Variants in DNAH9 observed in about 807,000 individuals in gnomAD.
The protein encoded by DNAH9 is DNAH9 variant protein.
A neutral mutation model predicts 471.6 loss-of-function variants in DNAH9; 345 were observed. The ratio of observed to expected loss-of-function variants is 0.73; its 90% confidence interval spans 0.67 to 0.80. DNAH9 has a LOEUF of 0.80. Among genes scored for constraint, DNAH9 ranks in the 30% least tolerant of loss-of-function variants. DNAH9 has a pLI of 0.00. For missense variants in DNAH9, 5,407 were observed against 5,609.2 expected, an observed-to-expected ratio of 0.96 and a Z score of 1.15; for synonymous variants, 2,093 against 2,123.6, an observed-to-expected ratio of 0.99 and a Z score of 0.40.
intron 9 of DNAH9, among the ~76,000 whole-genome samples, chr17:11,638,039 A>G (rs2073196142): frequency 6.6e-6 from 1 of 152,220 alleles, no homozygotes; most frequent in Non-Finnish European, 1.5e-5. Flanking sequence ...TGCAGAAGAC[A>G]TTCATTCGGC....
chr17:11,806,762 A>G (rs1041496465), intron 43 of DNAH9, among the ~76,000 whole-genome samples: 2 of 152,202 alleles, frequency 1.3e-5, no homozygotes, highest in Non-Finnish European at 2.9e-5. Context: ...TAAATAGTAG[A>G]ACTGTGGATT....
At chr17:11,835,855 T>C (rs1030222310) in intron 49 of DNAH9, among the ~76,000 whole-genome samples, 4 of 152,108 alleles carry the variant, frequency 2.6e-5, no homozygotes, top group African/African-American at 9.7e-5. Flanking sequence ...TCACATCTGG[T>C]CCACTGGAGA....
chr17:11,904,905 T>C (rs1465595945), intron 60 of DNAH9, among the ~76,000 whole-genome samples: 1 of 151,646 alleles, frequency 6.6e-6, no homozygotes, highest in Non-Finnish European at 1.5e-5. Context: ...CACTGGTAAG[T>C]GGAGTGAGAT....
Position 11,969,588 on chromosome 17 carries a change from G to A in DNAH9, c.*61G>A, listed in dbSNP as rs1977044742. On this transcript the variant is annotated 3_prime_UTR_variant, in exon 69 of 69. Coordinates refer to ENST00000262442, the MANE Select transcript of DNAH9 (RefSeq NM_001372.4). ...GGCTTGGAGGCTGCCTAGAGGGACA[G>A]GTGGGTGAAGGGTCACCACAGACAC... 3.7e-6 allele frequency: 5 copies of A among 1,349,984 alleles called. No homozygotes were observed. The Admixed American group carries it at 9.5e-5, about 26-fold the overall frequency. 83.6% of individuals were successfully genotyped at this position (1,349,984 alleles called of 1,614,324 possible). A position where few individuals can be genotyped will look rare whatever the true frequency, so the allele number is the denominator to read the frequency against.
At chr17:11,742,887 G>T (rs1395769336) in intron 30 of DNAH9, among the ~76,000 whole-genome samples, 7 of 152,168 alleles carry the variant, frequency 4.6e-5, no homozygotes, top group African/African-American at 1.7e-4. Flanking sequence ...CACCTTTACT[G>T]CCATAAAACA....
Position 11,613,685 on chromosome 17 carries a change from T to C in DNAH9, c.904+1905T>C, listed in dbSNP as rs539741805. Among the ~76,000 whole-genome samples the C allele has an allele frequency of 3.9e-5, 6 of 152,320 alleles. No homozygotes were observed. The South Asian group carries it at 1.2e-3, about 32-fold the overall frequency. ...GATACCAGCTTTCCATTTATGGTAG[T>C]GATTTACAGTTTTCATGTTGTCTAA... On this transcript the variant is annotated intron_variant, in intron 4 of 68. Coordinates refer to ENST00000262442, the MANE Select transcript of DNAH9 (RefSeq NM_001372.4).
chr17:11,933,411 G>A (rs144247240), intron 64 of DNAH9, among the ~76,000 whole-genome samples: 211 of 150,080 alleles, frequency 1.4e-3, no homozygotes, highest in African/African-American at 4.9e-3. Flanking sequence ...ATGGAGTTTC[G>A]CTCTTGTTGC....
rs147003346 is a variant in DNAH9 at position 11,878,837 on chromosome 17, G to A, written c.10479-1241G>A. On this transcript the variant is annotated intron_variant, in intron 53 of 68. Coordinates refer to ENST00000262442, the MANE Select transcript of DNAH9 (RefSeq NM_001372.4). ...TCCCACCTTGGCCTCCCAAAGTTCTGGGTTACAGGCATGAGCCACCAGGCC... is the reference window on the plus strand; with the variant it reads ...TCCCACCTTGGCCTCCCAAAGTTCTAGGTTACAGGCATGAGCCACCAGGCC... Among the ~76,000 whole-genome samples, 488 of 152,180 alleles carry A rather than the reference G, an allele frequency of 3.2e-3. 3 individuals carry two copies. Among genetic ancestry groups the A allele is most frequent in the African/African-American group, 0.011 (470 of 41,530 alleles).
intron 56 of DNAH9, 40 bp from the exon 57 acceptor site, chr17:11,886,785 G>C: frequency 6.4e-7 from 1 of 1,571,184 alleles, no homozygotes; most frequent in South Asian, 1.2e-5. Flanking sequence ...GGAAGCCCAG[G>C]TTGGTTGGAA....
intron 67 of DNAH9, among the ~76,000 whole-genome samples, chr17:11,953,593 C>CTT (rs1366566652): frequency 6.6e-6 from 1 of 151,856 alleles, no homozygotes; most frequent in Non-Finnish European, 1.5e-5. Context: ...GGGCGGATCA[C>CTT]GAGGTCAGGA....
At chr17:11,810,202 G>A in intron 44 of DNAH9, 44 bp from the exon 45 acceptor site, 1 of 1,578,278 alleles carries the variant, frequency 6.3e-7, no homozygotes, top group Non-Finnish European at 8.6e-7. Context: ...CTCTTTCAAG[G>A]AGGCCTTCTT....
intron 2 of DNAH9, among the ~76,000 whole-genome samples, chr17:11,609,633 T>G (rs748642805): frequency 6.6e-6 from 1 of 152,236 alleles, no homozygotes; most frequent in South Asian, 2.1e-4. Context: ...TTCTTTGTCG[T>G]TGTGTCCTTG....
chr17:11,818,272 TA>T (rs1970173707), intron 45 of DNAH9, among the ~76,000 whole-genome samples: 1 of 151,888 alleles, frequency 6.6e-6, no homozygotes, highest in South Asian at 2.1e-4. Flanking sequence ...GTACTAAAAA[TA>T]CGAAAATTAG....
At chr17:11,904,006 G>A (rs1480263675) in intron 60 of DNAH9, among the ~76,000 whole-genome samples, 3 of 152,208 alleles carry the variant, frequency 2.0e-5, no homozygotes. Context: ...AAGAATAGGT[G>A]AAGTCAGGTT....
At chr17:11,788,206 C>A (rs1479570368) in intron 41 of DNAH9, among the ~76,000 whole-genome samples, 1 of 152,176 alleles carries the variant, frequency 6.6e-6, no homozygotes, top group Non-Finnish European at 1.5e-5. Flanking sequence ...GTCTGGACTC[C>A]TGGTTGTTGC....
At chr17:11,767,154 C>T (rs1967983239) in intron 36 of DNAH9, among the ~76,000 whole-genome samples, 2 of 152,124 alleles carry the variant, frequency 1.3e-5, no homozygotes, top group Admixed American at 1.3e-4. Flanking sequence ...CCAGGCATCT[C>T]AAGGCAGCAT....
intron 53 of DNAH9, among the ~76,000 whole-genome samples, chr17:11,877,762 G>A (rs887189429): frequency 1.3e-5 from 2 of 152,104 alleles, no homozygotes; most frequent in Admixed American, 1.3e-4. Context: ...GAATGCCAAG[G>A]CATGCTATGA....
Position 11,932,323 on chromosome 17 carries a change from G to C in DNAH9, c.12297+118G>C, listed in dbSNP as rs1283819146. On this transcript the variant is annotated intron_variant, in intron 64 of 68. Transcript: ENST00000262442. The surrounding 1 kb of genome is among the most constrained non-coding windows in gnomAD (Gnocchi z 4.3). The stretch of plus-strand genomic sequence containing the variant: ...GCCTGAGAATGTGCATTTCTAACAA[G>C]CTCCCTCGTGATGCAGATGCTGCTG... 4 of 1,048,462 alleles carry C rather than the reference G, an allele frequency of 3.8e-6. No homozygotes were observed. Among genetic ancestry groups the C allele is most frequent in the Non-Finnish European group, 5.4e-6 (4 of 739,992 alleles). The allele number at this position is 1,048,462 out of a possible 1,614,324, so 64.9% of individuals were successfully genotyped here. A position where few individuals can be genotyped will look rare whatever the true frequency, so the allele number is the denominator to read the frequency against.
intron 4 of DNAH9, among the ~76,000 whole-genome samples, chr17:11,615,764 A>C (rs989569225): frequency 1.3e-5 from 2 of 152,192 alleles, no homozygotes; most frequent in Non-Finnish European, 2.9e-5. Context: ...GATTTTTAAA[A>C]AGATTTCAAA....
Sources: allele counts gnomAD v4.1 joint callset (sites outside exome capture counted in the v4.1 genomes callset), GRCh38; gene constraint gnomAD v4.1.1; non-coding constraint Gnocchi (gnomAD v3.1); transcripts MANE v1.5; gene names NCBI Gene and HGNC (gene_info 2026-07-23, HGNC 2026-07-21).